DCLK2: variants seen among roughly 807,000 people sequenced by gnomAD.
DCLK2 encodes the protein serine/threonine-protein kinase DCLK2.
DCLK2 carries 31 observed loss-of-function variants against 78.4 expected under a neutral mutation model. That is an observed-to-expected ratio of 0.40 (90% CI 0.30 to 0.53). The LOEUF (loss-of-function observed/expected upper bound fraction) is 0.53, where lower values mean the gene tolerates loss of function less well. Among genes scored for constraint, DCLK2 ranks in the 20% least tolerant of loss-of-function variants. The pLI is 0.61. For synonymous variants in DCLK2, 407 were observed against 374.9 expected (o/e 1.09, Z -0.99); for missense variants, 872 against 973.7 (o/e 0.90, Z 1.39).
At chr4:150,088,994 GTTGCT>G in intron 1 of DCLK2, among the ~76,000 whole-genome samples, 1 of 152,142 alleles carries the variant, frequency 6.6e-6, no homozygotes, top group East Asian at 1.9e-4. Context: ...GTTTTGCTTT[GTTGCT>G]TATTCTCCGT....
chr4:150,133,324 G>C (rs771052331), intron 2 of DCLK2, among the ~76,000 whole-genome samples: 1 of 152,168 alleles, frequency 6.6e-6, no homozygotes, highest in Non-Finnish European at 1.5e-5. Context: ...TTACCTCTCT[G>C]TGCATGTATG....
chr4:150,092,376 A>G, intron 1 of DCLK2, among the ~76,000 whole-genome samples: 1 of 152,102 alleles, frequency 6.6e-6, no homozygotes. Flanking sequence ...TTTTTTGAGG[A>G]ACTTTCACAC....
intron 2 of DCLK2, among the ~76,000 whole-genome samples, chr4:150,153,493 A>G (rs1735036615): frequency 6.6e-6 from 1 of 151,908 alleles, no homozygotes; most frequent in African/African-American, 2.4e-5. Flanking sequence ...ACTCAATGCA[A>G]CCTTGACCTC....
At chr4:150,116,464 G>A (rs1732102395) in intron 2 of DCLK2, among the ~76,000 whole-genome samples, 1 of 152,206 alleles carries the variant, frequency 6.6e-6, no homozygotes, top group African/African-American at 2.4e-5. Context: ...TTTGTCCCAT[G>A]TGATGTGTCC....
chr4:150,160,650 A>G (rs1735637677), intron 2 of DCLK2, among the ~76,000 whole-genome samples: 1 of 152,228 alleles, frequency 6.6e-6, no homozygotes, highest in African/African-American at 2.4e-5. Context: ...ATTTGTAATC[A>G]TTACTGTGTT....
chr4:150,151,112 T>C (rs964790839), intron 2 of DCLK2, among the ~76,000 whole-genome samples: 2 of 152,174 alleles, frequency 1.3e-5, no homozygotes, highest in African/African-American at 4.8e-5. Context: ...GTTCTGTTTT[T>C]AGTGTGGCTA....
At chr4:150,251,708 A>C (rs1211023843) in intron 15 of DCLK2, among the ~76,000 whole-genome samples, 5 of 30,456 alleles carry the variant, frequency 1.6e-4, no homozygotes, top group Admixed American at 5.2e-4. Flanking sequence ...ACCCCCACAC[A>C]CCCCCAACAC....
At chr4:150,201,825 GAA>G (rs1459737222) in intron 4 of DCLK2, among the ~76,000 whole-genome samples, 1 of 152,074 alleles carries the variant, frequency 6.6e-6, no homozygotes, top group African/African-American at 2.4e-5. Flanking sequence ...GGAAAAAAAG[GAA>G]AATTTAGTCT....
At chr4:150,109,358 C>T (rs1337728965) in intron 2 of DCLK2, among the ~76,000 whole-genome samples, 6 of 147,678 alleles carry the variant, frequency 4.1e-5, no homozygotes, top group African/African-American at 1.2e-4. Context: ...TTCTCTGAGA[C>T]GGAGTCTGGC....
At chr4:150,232,930 A>T in intron 10 of DCLK2, 102 bp downstream of exon 10, 1 of 1,391,922 alleles carries the variant, frequency 7.2e-7, no homozygotes, top group Non-Finnish European at 9.7e-7. Context: ...ATCCTACATT[A>T]TGAGACTTTA....
At chr4:150,150,308 G>A (rs1449535180) in intron 2 of DCLK2, among the ~76,000 whole-genome samples, 1 of 152,128 alleles carries the variant, frequency 6.6e-6, no homozygotes, top group Non-Finnish European at 1.5e-5. Context: ...CCTGATTGAT[G>A]TCTGGTGCAG....
chr4:150,213,897 T>G (rs1243545400), intron 5 of DCLK2, among the ~76,000 whole-genome samples: 1 of 152,206 alleles, frequency 6.6e-6, no homozygotes, highest in Non-Finnish European at 1.5e-5. Flanking sequence ...AAGAAGCTCT[T>G]GGGCTCTGGA....
chr4:150,194,581 G>A (rs991518045), intron 3 of DCLK2, among the ~76,000 whole-genome samples: 4 of 152,022 alleles, frequency 2.6e-5, no homozygotes, highest in African/African-American at 7.2e-5. Flanking sequence ...GTCTTAAATT[G>A]CTTTAAACCT....
chr4:150,170,971 C>T (rs1399239002), intron 2 of DCLK2, among the ~76,000 whole-genome samples: 5 of 152,142 alleles, frequency 3.3e-5, no homozygotes, highest in Non-Finnish European at 7.4e-5. Flanking sequence ...AGAAATTGCA[C>T]TTTCGCTTCT....
At chr4:150,109,909 G>C (rs1188120772) in intron 2 of DCLK2, among the ~76,000 whole-genome samples, 2 of 152,154 alleles carry the variant, frequency 1.3e-5, no homozygotes, top group African/African-American at 4.8e-5. Context: ...GGGAGGTAGG[G>C]CTTAAATCTT....
Position 150,143,897 on chromosome 4 carries a change from G to GT in DCLK2, c.756+41095dup, listed in dbSNP as rs1201811612. On this transcript the variant is annotated intron_variant, in intron 2 of 15. Coordinates refer to ENST00000296550, the MANE Select transcript of DCLK2 (RefSeq NM_001040260.4). ...CCTTTGCTCAGTTTTTAATAGGATT[G>GT]TTTTTTTTTTCTGTTTTGAGTTCCT... Among the ~76,000 whole-genome samples the GT allele has an allele frequency of 1.1e-3, 159 of 146,788 alleles. 1 individual carries two copies. The highest frequency in any genetic ancestry group is 3.8e-3 in the East Asian group (19 of 5,016).
At chr4:150,218,215 C>G (rs1305417702) in intron 5 of DCLK2, among the ~76,000 whole-genome samples, 2 of 151,928 alleles carry the variant, frequency 1.3e-5, no homozygotes, top group Non-Finnish European at 2.9e-5. Context: ...GTCTCTTTCC[C>G]TGCTCCATGT....
chr4:150,174,206 T>C (rs1248222955), intron 2 of DCLK2, among the ~76,000 whole-genome samples: 1 of 152,134 alleles, frequency 6.6e-6, no homozygotes, highest in Non-Finnish European at 1.5e-5. Flanking sequence ...CTTTCTGCCC[T>C]CTTTGATGTA....
At chr4:150,253,097 G>A (rs878941527) in intron 15 of DCLK2, among the ~76,000 whole-genome samples, 9 of 146,660 alleles carry the variant, frequency 6.1e-5, no homozygotes, top group African/African-American at 1.9e-4. Context: ...CATCCTCCTC[G>A]TCCTCCTCAT....
Sources: gnomAD v4.1 joint callset for allele counts (sites outside exome capture counted in the v4.1 genomes callset) on GRCh38, gnomAD v4.1.1 for gene constraint, MANE v1.5 for transcripts, NCBI Gene and HGNC (gene_info 2026-07-23, HGNC 2026-07-21) for gene names.